The following ABLIM1 variants were observed in gnomAD, a reference collection of about 807,000 sequenced individuals.
ABLIM1 encodes actin binding LIM protein 1.
In ABLIM1, 40 loss-of-function variants were observed where a neutral mutation model predicts 107.0. The observed-to-expected ratio is 0.37, with a 90% confidence interval of 0.29 to 0.49. The LOEUF (loss-of-function observed/expected upper bound fraction) is 0.49, where lower values mean the gene tolerates loss of function less well. Among genes scored for constraint, ABLIM1 ranks in the 20% least tolerant of loss-of-function variants. The pLI is 0.97. For missense variants in ABLIM1, 857 were observed against 1,008.5 expected, an observed-to-expected ratio of 0.85 and a Z score of 2.04; for synonymous variants, 357 against 357.3, an observed-to-expected ratio of 1.00 and a Z score of 0.01.
chr10:114,593,066 A>C (rs1316247229), intron 2 of ABLIM1, among the ~76,000 whole-genome samples: 1 of 117,598 alleles, frequency 8.5e-6, no homozygotes, highest in Non-Finnish European at 1.9e-5. Flanking sequence ...GGGCCAGGAG[A>C]TAAGAAGAAC....
At chr10:114,490,677 T>A (rs532910221) in intron 7 of ABLIM1, among the ~76,000 whole-genome samples, 1 of 151,996 alleles carries the variant, frequency 6.6e-6, no homozygotes, top group South Asian at 2.1e-4. Flanking sequence ...TAGAAGAGAA[T>A]CCTCTCTCAA....
intron 1 of ABLIM1, among the ~76,000 whole-genome samples, chr10:114,627,589 A>G (rs1451499697): frequency 1.3e-5 from 2 of 152,208 alleles, no homozygotes; most frequent in Non-Finnish European, 1.5e-5. Flanking sequence ...TGGGGCTTAC[A>G]GAATCCTAAA....
rs547612089 is a variant in ABLIM1, at chr10:114,481,171, T to C, written c.1041+6787A>G. 2.9e-3 allele frequency among the ~76,000 whole-genome samples: 438 copies of C among 152,186 alleles called. 2 individuals are homozygous for C. The highest frequency in any genetic ancestry group is 4.5e-3 in the Non-Finnish European group (305 of 67,996). Reference sequence around the variant, plus strand: ...CCATTAAAAACACTTACCAGAGCTCTGCCGGTTGAGTAAGTAGATAAATGA... The same window carrying C: ...CCATTAAAAACACTTACCAGAGCTCCGCCGGTTGAGTAAGTAGATAAATGA... On this transcript the variant is annotated intron_variant, in intron 8 of 22. Transcript: ENST00000533213.
chr10:114,487,839 G>A (rs1329763033), intron 8 of ABLIM1, 119 bp downstream of exon 8: 4 of 1,261,982 alleles, frequency 3.2e-6, no homozygotes, highest in Non-Finnish European at 3.5e-6. Flanking sequence ...AACTTAGTTT[G>A]CTATAAGGGA....
At chr10:114,689,719 T>A (rs1347160956), upstream of ABLIM1, among the ~76,000 whole-genome samples, 2 of 152,004 alleles carry the variant, frequency 1.3e-5, no homozygotes, top group African/African-American at 4.8e-5. Flanking sequence ...CTTTCCTTTT[T>A]TTTTTCTCTT....
intron 8 of ABLIM1, among the ~76,000 whole-genome samples, chr10:114,475,039 T>G (rs2056087706): frequency 6.6e-6 from 1 of 152,138 alleles, no homozygotes; most frequent in South Asian, 2.1e-4. Context: ...CCTTTATAAA[T>G]TACCCAGTCT....
At chr10:114,632,201 T>C in intron 1 of ABLIM1, 1 of 985,390 alleles carries the variant, frequency 1.0e-6, no homozygotes, top group Non-Finnish European at 1.2e-6. Context: ...AACCACTCGC[T>C]ACAGCTGCTG....
the ABLIM1 span, among the ~76,000 whole-genome samples, chr10:114,796,318 G>A: frequency 5.9e-5 from 9 of 152,196 alleles, 1 homozygote; most frequent in Non-Finnish European, 1.3e-4. Flanking sequence ...TGGAACTGCT[G>A]TCATCTGAAG....
At chr10:114,719,503 T>A (rs1237111104) in intron 1 of ABLIM1, among the ~76,000 whole-genome samples, 1 of 152,370 alleles carries the variant, frequency 6.6e-6, no homozygotes, top group East Asian at 1.9e-4. Flanking sequence ...TCAAGGTCAC[T>A]GACCTCACCC....
chr10:114,591,783 T>TA (rs1172630767), intron 2 of ABLIM1, among the ~76,000 whole-genome samples: 1 of 152,000 alleles, frequency 6.6e-6, no homozygotes, highest in Middle Eastern at 3.4e-3. Flanking sequence ...ACTTTGGATT[T>TA]TTTTTCAGAT....
intron 1 of ABLIM1, among the ~76,000 whole-genome samples, chr10:114,652,172 C>T (rs1000868837): frequency 3.3e-5 from 5 of 152,104 alleles, no homozygotes; most frequent in Admixed American, 6.5e-5. Context: ...TCAATGTTAC[C>T]AGGAAGATGC....
chr10:114,648,664 G>A (rs1284908706), intron 1 of ABLIM1, among the ~76,000 whole-genome samples: 1 of 152,184 alleles, frequency 6.6e-6, no homozygotes, highest in Non-Finnish European at 1.5e-5. Flanking sequence ...ATGTTAAAGT[G>A]GTGAATGTTA....
intron 1 of ABLIM1, among the ~76,000 whole-genome samples, chr10:114,635,212 A>C (rs534930024): frequency 1.3e-5 from 2 of 152,334 alleles, no homozygotes; most frequent in African/African-American, 4.8e-5. Flanking sequence ...TCACTTACAC[A>C]TAAAGCAAGG....
chr10:114,568,196 C>CAA (rs34861242), intron 4 of ABLIM1, among the ~76,000 whole-genome samples: 11,430 of 51,744 alleles, frequency 0.22, 1,430 homozygotes, highest in African/African-American at 0.35. Flanking sequence ...GACTCCGTCT[C>CAA]AAAAAAAAAA....
Position 114,521,560 on chromosome 10 carries a change from CA to C in ABLIM1, c.894+23444del, listed in dbSNP as rs1403798821. 9.9e-5 allele frequency among the ~76,000 whole-genome samples: 15 copies of C among 152,190 alleles called. No homozygotes were observed. The East Asian group carries it at 2.9e-3, about 29-fold the overall frequency. Reference sequence around the variant, plus strand: ...AGGTGGGTGTGGGGAGAAAATTCTCCAAGGCTACTGTCTTGGGGAGTCAAAG... The same window carrying C: ...AGGTGGGTGTGGGGAGAAAATTCTCCAGGCTACTGTCTTGGGGAGTCAAAG... On this transcript the variant is annotated intron_variant, in intron 6 of 22. Transcript: ENST00000533213.
chr10:114,510,752 G>C (rs921686332), intron 6 of ABLIM1, among the ~76,000 whole-genome samples: 2 of 151,728 alleles, frequency 1.3e-5, no homozygotes, highest in African/African-American at 4.9e-5. Context: ...CTGGGCTCAG[G>C]TGATCCTCCC....
chr10:114,526,281 GACAAA>G (rs2064729148), intron 6 of ABLIM1, among the ~76,000 whole-genome samples: 2 of 151,950 alleles, frequency 1.3e-5, no homozygotes, highest in Non-Finnish European at 2.9e-5. Flanking sequence ...ACAAACCACA[GACAAA>G]ACAAAACAAC....
intron 1 of ABLIM1, among the ~76,000 whole-genome samples, chr10:114,656,552 C>G (rs192830632): frequency 1.1e-3 from 172 of 152,080 alleles, no homozygotes; most frequent in South Asian, 0.011. Flanking sequence ...AGGTGAGCCA[C>G]CCTCGAACCT....
intron 6 of ABLIM1, among the ~76,000 whole-genome samples, chr10:114,544,012 C>CTT (rs1471547275): frequency 6.6e-6 from 1 of 152,208 alleles, no homozygotes; most frequent in Non-Finnish European, 1.5e-5. Context: ...TACACTGGGC[C>CTT]TTTGCTGTGA....
Sources: allele counts gnomAD v4.1 joint callset (sites outside exome capture counted in the v4.1 genomes callset), GRCh38; gene constraint gnomAD v4.1.1; transcripts MANE v1.5; gene names NCBI Gene and HGNC (gene_info 2026-07-23, HGNC 2026-07-21).